Variants in PHTF2 observed in about 807,000 individuals in gnomAD.
PHTF2 encodes protein PHTF2.
PHTF2 carries 60 observed loss-of-function variants against 101.2 expected under a neutral mutation model. The observed-to-expected ratio is 0.59, with a 90% CI of 0.48 to 0.73. The LOEUF (loss-of-function observed/expected upper bound fraction) is 0.73, where lower values mean the gene tolerates loss of function less well. PHTF2 is among the 30% of genes least tolerant of loss of function. The pLI, the probability that PHTF2 is intolerant of heterozygous loss-of-function variation, is 0.00. For synonymous variants in PHTF2, 311 were observed against 307.3 expected, an observed-to-expected ratio of 1.01 and a Z score of -0.13; for missense variants, 747 against 908.7, an observed-to-expected ratio of 0.82 and a Z score of 2.29.
chr7:77,933,711 G>GTTT (rs372397795), intron 12 of PHTF2, among the ~76,000 whole-genome samples: 1,544 of 108,282 alleles, frequency 0.014, 50 homozygotes, highest in African/African-American at 0.046. Context: ...GGGACCATGT[G>GTTT]TTTTTTTTTT....
chr7:77,825,752 G>A (rs550156671), intron 1 of PHTF2, among the ~76,000 whole-genome samples: 35 of 152,288 alleles, frequency 2.3e-4, no homozygotes, highest in Non-Finnish European at 4.3e-4. Context: ...AGGGGTGGCC[G>A]AGCAGAATCT....
chr7:77,799,264 C>T (rs996377501), intron 1 of PHTF2, among the ~76,000 whole-genome samples: 4 of 152,112 alleles, frequency 2.6e-5, no homozygotes, highest in Non-Finnish European at 5.9e-5. Flanking sequence ...GGGCCGAAGC[C>T]CAGCGCGCCA....
chr7:77,804,326 T>G (rs776879879), intron 1 of PHTF2, among the ~76,000 whole-genome samples: 23 of 145,508 alleles, frequency 1.6e-4, no homozygotes, highest in Non-Finnish European at 2.7e-4. Context: ...AGGGGTTTTT[T>G]GTTTGTTTGT....
chr7:77,934,136 C>T (rs1804868463), intron 12 of PHTF2, among the ~76,000 whole-genome samples: 1 of 152,010 alleles, frequency 6.6e-6, no homozygotes, highest in African/African-American at 2.4e-5. Flanking sequence ...CTTGTTTAAC[C>T]AGTCTGTTAG....
At chr7:77,927,227 C>CACAA (rs2150935881) in intron 11 of PHTF2, among the ~76,000 whole-genome samples, 1 of 126,180 alleles carries the variant, frequency 7.9e-6, no homozygotes, top group East Asian at 2.5e-4. Flanking sequence ...CACACACAAA[C>CACAA]ACACACATAC....
intron 3 of PHTF2, among the ~76,000 whole-genome samples, chr7:77,858,895 A>G (rs537047629): frequency 7.9e-5 from 12 of 152,330 alleles, no homozygotes; most frequent in Admixed American, 2.6e-4. Context: ...AATGACCACA[A>G]ACTGGGTGAC....
At chr7:77,926,023 C>A (rs1032582317) in intron 11 of PHTF2, among the ~76,000 whole-genome samples, 3 of 151,798 alleles carry the variant, frequency 2.0e-5, no homozygotes, top group Non-Finnish European at 2.9e-5. Context: ...GCCACTGCAT[C>A]CAGCGTGGTG....
At chr7:77,824,149 G>A (rs1291485618) in intron 1 of PHTF2, among the ~76,000 whole-genome samples, 1 of 152,054 alleles carries the variant, frequency 6.6e-6, no homozygotes, top group Non-Finnish European at 1.5e-5. Context: ...AATTGATAGT[G>A]GTGGGAGGTG....
At chr7:77,899,457 A>G (rs1157345825) in intron 5 of PHTF2, among the ~76,000 whole-genome samples, 2 of 152,026 alleles carry the variant, frequency 1.3e-5, no homozygotes, top group Non-Finnish European at 2.9e-5. Context: ...TGTGTTTGCA[A>G]TTATGGAATC....
At chr7:77,817,776 C>T (rs551209717) in intron 1 of PHTF2, among the ~76,000 whole-genome samples, 2 of 152,086 alleles carry the variant, frequency 1.3e-5, no homozygotes, top group East Asian at 3.9e-4. Context: ...GATTTTTTGC[C>T]CATCTTTAAA....
At chr7:77,860,246 T>C (rs1319267757) in intron 3 of PHTF2, among the ~76,000 whole-genome samples, 22 of 152,224 alleles carry the variant, frequency 1.4e-4, no homozygotes, top group Admixed American at 1.4e-3. Flanking sequence ...ATTGGAGCAG[T>C]TGAGTCGACA....
At chr7:77,883,223 A>T (rs996841184) in intron 3 of PHTF2, among the ~76,000 whole-genome samples, 7 of 152,168 alleles carry the variant, frequency 4.6e-5, no homozygotes, top group Non-Finnish European at 1.0e-4. Context: ...TAGAAGTCTT[A>T]AAGAATGTCA....
Position 77,947,262 on chromosome 7 carries a change from AAAG to A in PHTF2, c.1960-2412_1960-2410del, listed in dbSNP as rs1806128125. ...GGATAAAACTTTATTGAAAATTTTA[AAAG>A]AAGGTACACAATGAGGCTGAGCGCG... On this transcript the variant is annotated intron_variant, in intron 16 of 19. Transcript: ENST00000416283. 2.0e-5 allele frequency among the ~76,000 whole-genome samples: 3 copies of A among 152,324 alleles called. No individual in the cohort carries two copies. The South Asian group carries it at 6.2e-4, about 32-fold the overall frequency.
chr7:77,923,453 G>T, intron 11 of PHTF2: 1 of 985,226 alleles, frequency 1.0e-6, no homozygotes, highest in Non-Finnish European at 1.2e-6. Flanking sequence ...GGTTAAACTT[G>T]TAAAACAAAC....
intron 9 of PHTF2, among the ~76,000 whole-genome samples, chr7:77,919,642 C>G (rs1294327311): frequency 6.6e-6 from 1 of 151,984 alleles, no homozygotes; most frequent in African/African-American, 2.4e-5. Context: ...TTATAAATTC[C>G]TCAATTCTAG....
intron 18 of PHTF2, 93 bp from the exon 18 acceptor site, chr7:77,953,676 G>A: frequency 9.0e-7 from 1 of 1,107,956 alleles, no homozygotes; most frequent in Non-Finnish European, 1.3e-6. Flanking sequence ...TAACTTTTTT[G>A]AAAGTGTTTT....
At chr7:77,852,097 C>T (rs1796812330) in intron 2 of PHTF2, among the ~76,000 whole-genome samples, 1 of 152,182 alleles carries the variant, frequency 6.6e-6, no homozygotes, top group Admixed American at 6.5e-5. Flanking sequence ...ACAATCATAA[C>T]TCACTGCAGC....
intron 11 of PHTF2, chr7:77,923,700 G>A: frequency 1.0e-6 from 1 of 985,322 alleles, no homozygotes; most frequent in Non-Finnish European, 1.2e-6. Context: ...AGATAACCAA[G>A]CTTGTAAAAT....
chr7:77,897,782 G>A (rs1801004036), intron 5 of PHTF2, among the ~76,000 whole-genome samples: 1 of 152,104 alleles, frequency 6.6e-6, no homozygotes, highest in Non-Finnish European at 1.5e-5. Flanking sequence ...CCAGGTTCAA[G>A]CGATTCTCCT....
Sources: allele counts gnomAD v4.1 joint callset (sites outside exome capture counted in the v4.1 genomes callset), GRCh38; gene constraint gnomAD v4.1.1; transcripts MANE v1.5; gene names NCBI Gene and HGNC (gene_info 2026-07-23, HGNC 2026-07-21).